Variants in SOX6 observed in about 807,000 individuals in gnomAD.
SOX6 encodes the protein transcription factor SOX-6.
Under a neutral mutation model 97.8 loss-of-function variants are expected in SOX6, and 11 were observed. The observed-to-expected ratio is 0.11, with a 90% confidence interval of 0.07 to 0.19. The LOEUF is 0.19. Ranked by LOEUF, SOX6 falls within the 10% of genes least tolerant of loss-of-function variation. The pLI, the probability that SOX6 is intolerant of heterozygous loss-of-function variation, is 1.00. For synonymous variants in SOX6, 360 were observed against 371.4 expected (o/e 0.97, Z 0.35); for missense variants, 810 against 1,039.5 (o/e 0.78, Z 3.04).
At chr11:16,457,862 T>C (rs1167144059) in intron 1 of SOX6, among the ~76,000 whole-genome samples, 2 of 152,088 alleles carry the variant, frequency 1.3e-5, no homozygotes, top group Non-Finnish European at 2.9e-5. Context: ...CATTTTGTAA[T>C]GTTACCAATG....
intron 3 of SOX6, among the ~76,000 whole-genome samples, chr11:16,286,965 C>T (rs1229512169): frequency 2.6e-5 from 4 of 151,510 alleles, no homozygotes; most frequent in Non-Finnish European, 4.4e-5. Context: ...GAAAATTTTT[C>T]CACCATAAGG....
At chr11:16,150,841 G>A (rs1009366636) in intron 6 of SOX6, among the ~76,000 whole-genome samples, 1 of 152,060 alleles carries the variant, frequency 6.6e-6, no homozygotes, top group South Asian at 2.1e-4. Context: ...CTCCTGACAA[G>A]AAGTCACATT....
chr11:16,656,412 CT>C (rs1847718766), intron 3 of SOX6, among the ~76,000 whole-genome samples: 1 of 152,084 alleles, frequency 6.6e-6, no homozygotes, highest in South Asian at 2.1e-4. Flanking sequence ...CCAGGAGAGT[CT>C]TTATGGTCCA....
At chr11:16,180,830 G>A (rs977821827) in intron 6 of SOX6, among the ~76,000 whole-genome samples, 3 of 151,710 alleles carry the variant, frequency 2.0e-5, no homozygotes, top group African/African-American at 7.2e-5. Flanking sequence ...ATTCAAGGAA[G>A]ACATATAAAT....
At chr11:16,632,712 C>T (rs770742888) in intron 3 of SOX6, among the ~76,000 whole-genome samples, 6 of 152,236 alleles carry the variant, frequency 3.9e-5, no homozygotes, top group Admixed American at 6.5e-5. Flanking sequence ...GCAACCTCCT[C>T]GGCCCTCTTT....
At chr11:16,364,270 C>T (rs1857287944) in intron 1 of SOX6, among the ~76,000 whole-genome samples, 1 of 151,872 alleles carries the variant, frequency 6.6e-6, no homozygotes. Context: ...ATTCTTTTAC[C>T]AGAAAAAAAT....
intron 2 of SOX6, among the ~76,000 whole-genome samples, chr11:16,327,922 G>T (rs1327237575): frequency 1.3e-5 from 2 of 152,096 alleles, no homozygotes; most frequent in Non-Finnish European, 2.9e-5. Flanking sequence ...TGTAAGAACA[G>T]AATACTATTC....
chr11:16,254,761 G>GAAAACA (rs1853632630), intron 3 of SOX6, among the ~76,000 whole-genome samples: 1 of 151,908 alleles, frequency 6.6e-6, no homozygotes, highest in Admixed American at 6.6e-5. Context: ...AATATGGGTA[G>GAAAACA]GTACTAATCC....
At chr11:16,019,302 T>C (rs1854980996) in intron 12 of SOX6, among the ~76,000 whole-genome samples, 1 of 152,126 alleles carries the variant, frequency 6.6e-6, no homozygotes, top group Non-Finnish European at 1.5e-5. Flanking sequence ...GTCTGGTCAA[T>C]GATGTGGTAT....
At chr11:16,557,677 T>G (rs1847764700) in intron 4 of SOX6, among the ~76,000 whole-genome samples, 1 of 151,894 alleles carries the variant, frequency 6.6e-6, no homozygotes, top group Non-Finnish European at 1.5e-5. Context: ...AACTTTATAA[T>G]TATAAATTAT....
intron 3 of SOX6, among the ~76,000 whole-genome samples, chr11:16,619,276 T>A (rs1848510774): frequency 1.3e-5 from 2 of 151,232 alleles, no homozygotes; most frequent in African/African-American, 4.8e-5. Context: ...ATCACTGATG[T>A]TTGTCCTTGA....
chr11:16,617,272 T>G (rs1848483277), intron 3 of SOX6, among the ~76,000 whole-genome samples: 1 of 151,836 alleles, frequency 6.6e-6, no homozygotes, highest in Non-Finnish European at 1.5e-5. Flanking sequence ...ATCCTCATGT[T>G]CATTCATGTT....
At chr11:16,112,112 C>A (rs117852392) in intron 6 of SOX6, among the ~76,000 whole-genome samples, 189 bp from the exon 7 acceptor site, 1 of 152,116 alleles carries the variant, frequency 6.6e-6, no homozygotes, top group Non-Finnish European at 1.5e-5. Flanking sequence ...AATAGCATAC[C>A]GAAGACGTAA....
At chr11:16,654,571 T>G (rs1847698278) in intron 3 of SOX6, among the ~76,000 whole-genome samples, 1 of 152,144 alleles carries the variant, frequency 6.6e-6, no homozygotes, top group African/African-American at 2.4e-5. Context: ...ATTATAGACA[T>G]GAGCCACTGC....
chr11:16,092,016 T>C (rs1392697469), intron 9 of SOX6, among the ~76,000 whole-genome samples: 1 of 152,052 alleles, frequency 6.6e-6, no homozygotes, highest in East Asian at 1.9e-4. Flanking sequence ...TTCAGAGAAG[T>C]GAGCAATCTG....
intron 1 of SOX6, among the ~76,000 whole-genome samples, chr11:16,393,046 C>G (rs1412130259): frequency 6.6e-6 from 1 of 152,032 alleles, no homozygotes; most frequent in East Asian, 1.9e-4. Context: ...TTTAGTCAAC[C>G]ATAACTGCTA....
intron 12 of SOX6, among the ~76,000 whole-genome samples, chr11:16,029,634 TCAAAAAAAAAAA>T (rs1477693720): frequency 2.1e-5 from 3 of 141,854 alleles, no homozygotes; most frequent in African/African-American, 5.3e-5. Context: ...AGACTCCGTC[TCAAAAAAAAAAA>T]CAAAAAAAAA....
chr11:16,682,955 G>A (rs1385648943), intron 3 of SOX6, among the ~76,000 whole-genome samples: 1 of 152,148 alleles, frequency 6.6e-6, no homozygotes, highest in African/African-American at 2.4e-5. Flanking sequence ...CAGACAGAGA[G>A]CCAAACCATG....
At position 15,972,977 on chromosome 11, in the gene SOX6, G is replaced by C; in HGVS notation, c.2319C>G (p.Leu773=). The change falls in exon 16 of 16, where the codon CTC becomes CTG. Residue 773 remains leucine (L), a synonymous_variant. Transcript: ENST00000683767. ...TACCATAAGTGCTCTGGATGACCGG[G>C]AGGCTGGGCTCCGGGCTGGCCGAGG... ...SSTSASPEPS[L]PVIQSTYGMK... is the part of the protein sequence containing the mutation. The C allele has an allele frequency of 5.6e-6, 9 of 1,614,202 alleles. No homozygotes were observed. Among genetic ancestry groups the C allele is most frequent in the Non-Finnish European group, 7.6e-6 (9 of 1,180,020 alleles).
Sources: gnomAD v4.1 joint callset for allele counts (sites outside exome capture counted in the v4.1 genomes callset) on GRCh38, gnomAD v4.1.1 for gene constraint, MANE v1.5 for transcripts, NCBI Gene and HGNC (gene_info 2026-07-23, HGNC 2026-07-21) for gene names.